The following ZFHX3 variants were observed in gnomAD, a reference collection of about 807,000 sequenced individuals.
ZFHX3 encodes the protein zinc finger homeobox protein 3.
A neutral mutation model predicts 279.1 loss-of-function variants in ZFHX3; 42 were observed. The ratio of observed to expected loss-of-function variants is 0.15; its 90% CI spans 0.12 to 0.19. ZFHX3 has a LOEUF of 0.19. ZFHX3 is among the 10% of genes least tolerant of loss of function. ZFHX3 has a pLI of 1.00. For synonymous variants in ZFHX3, 2,293 were observed against 1,957.8 expected (o/e 1.17, Z -4.52); for missense variants, 4,981 against 4,754.0 (o/e 1.05, Z -1.40).
chr16:73,080,837 T>A (rs1482909123), intron 8 of ZFHX3, among the ~76,000 whole-genome samples: 2 of 152,174 alleles, frequency 1.3e-5, no homozygotes, highest in African/African-American at 4.8e-5. Flanking sequence ...CGCCTTGGCC[T>A]CCCAAAGTGC....
chr16:72,947,923 G>T (rs1181110637), intron 3 of ZFHX3, among the ~76,000 whole-genome samples: 1 of 152,174 alleles, frequency 6.6e-6, no homozygotes, highest in Non-Finnish European at 1.5e-5. Context: ...TTTACTACAG[G>T]CCACACCAGG....
At chr16:73,004,158 A>AGTTTTTTTTTTTTT in intron 1 of ZFHX3, among the ~76,000 whole-genome samples, 1 of 51,316 alleles carries the variant, frequency 1.9e-5, no homozygotes, top group South Asian at 6.4e-4. Context: ...TAAAAACACG[A>AGTTTTTTTTTTTTT]CTTTTTTTTT....
At chr16:73,483,618 G>C (rs540830974) in intron 2 of ZFHX3, among the ~76,000 whole-genome samples, 96 of 152,188 alleles carry the variant, frequency 6.3e-4, no homozygotes, top group African/African-American at 2.0e-3. Flanking sequence ...AGGGAGAGTG[G>C]GGGGCGGGGG....
At chr16:73,363,556 T>G (rs935485479) in intron 3 of ZFHX3, among the ~76,000 whole-genome samples, 3 of 152,062 alleles carry the variant, frequency 2.0e-5, no homozygotes, top group Admixed American at 2.0e-4. Context: ...TTTAATTTTT[T>G]TTTTCCCAAA....
chr16:73,496,523 T>C (rs1461137217), intron 2 of ZFHX3, among the ~76,000 whole-genome samples: 1 of 152,178 alleles, frequency 6.6e-6, no homozygotes, highest in East Asian at 1.9e-4. Context: ...ACAGCGAGAC[T>C]CCATCTTAAA....
intron 1 of ZFHX3, chr16:73,814,003 T>G (rs966136883): frequency 6.6e-5 from 10 of 152,362 alleles, no homozygotes; most frequent in African/African-American, 2.4e-4. Flanking sequence ...CACTCTTAAG[T>G]TGTAAGTGAG....
chr16:73,166,267 A>G (rs1031616610), intron 5 of ZFHX3, among the ~76,000 whole-genome samples: 6 of 152,300 alleles, frequency 3.9e-5, no homozygotes, highest in African/African-American at 1.2e-4. Flanking sequence ...ATGGAGATTT[A>G]TGGGGCTTCA....
chr16:72,995,650 G>C (rs994253562), intron 1 of ZFHX3, among the ~76,000 whole-genome samples: 1 of 152,138 alleles, frequency 6.6e-6, no homozygotes, highest in African/African-American at 2.4e-5. Context: ...CATGGATGTG[G>C]CATGGTGTGC....
At chr16:73,197,288 T>G (rs1968171469) in intron 5 of ZFHX3, among the ~76,000 whole-genome samples, 1 of 152,170 alleles carries the variant, frequency 6.6e-6, no homozygotes, top group Admixed American at 6.5e-5. Context: ...CATCAATGGA[T>G]GAATTGTTGG....
intron 2 of ZFHX3, among the ~76,000 whole-genome samples, chr16:73,576,970 A>G (rs1201040740): frequency 6.6e-6 from 1 of 152,198 alleles, no homozygotes; most frequent in Non-Finnish European, 1.5e-5. Context: ...TCTTTTAGTT[A>G]GATCTAGATT....
intron 2 of ZFHX3, among the ~76,000 whole-genome samples, chr16:73,528,195 T>C (rs1269450488): frequency 6.6e-6 from 1 of 152,222 alleles, no homozygotes; most frequent in Non-Finnish European, 1.5e-5. Flanking sequence ...GCATTATCAC[T>C]GTATTATGGG....
intron 2 of ZFHX3, among the ~76,000 whole-genome samples, chr16:73,459,920 C>T (rs1464345256): frequency 1.3e-5 from 2 of 152,218 alleles, no homozygotes; most frequent in East Asian, 3.8e-4. Context: ...TCTCCCTTGA[C>T]ACATGGTGAT....
At chr16:73,617,354 G>A (rs2052315244) in intron 2 of ZFHX3, among the ~76,000 whole-genome samples, 2 of 152,230 alleles carry the variant, frequency 1.3e-5, no homozygotes, top group South Asian at 4.1e-4. Flanking sequence ...AATTCAGGAT[G>A]TGAATTCTTC....
chr16:72,818,593 G>C (rs2143648079), intron 5 of ZFHX3, among the ~76,000 whole-genome samples: 1 of 152,326 alleles, frequency 6.6e-6, no homozygotes, highest in South Asian at 2.1e-4. Context: ...AGGAATAGGG[G>C]AAGAGGGGAA....
At chr16:73,212,504 T>G (rs1256460507) in intron 5 of ZFHX3, among the ~76,000 whole-genome samples, 1 of 152,228 alleles carries the variant, frequency 6.6e-6, no homozygotes, top group East Asian at 1.9e-4. Flanking sequence ...TCATAAACAA[T>G]CCTGCTGTGA....
chr16:73,325,784 G>A (rs1223704400), intron 3 of ZFHX3, among the ~76,000 whole-genome samples: 3 of 152,102 alleles, frequency 2.0e-5, no homozygotes, highest in Admixed American at 6.6e-5. Flanking sequence ...AATATCAAAT[G>A]AGAAGTAATT....
intron 3 of ZFHX3, among the ~76,000 whole-genome samples, chr16:73,436,979 A>C (rs1008861371): frequency 4.7e-4 from 71 of 152,106 alleles, no homozygotes; most frequent in African/African-American, 1.6e-3. Flanking sequence ...TGCTTCTCTT[A>C]GATTGAAGCT....
chr16:73,736,225 C>T (rs2053609185), intron 1 of ZFHX3, among the ~76,000 whole-genome samples: 1 of 152,158 alleles, frequency 6.6e-6, no homozygotes, highest in Non-Finnish European at 1.5e-5. Context: ...CACCCTTGTA[C>T]ATTTTCAGCA....
intron 3 of ZFHX3, among the ~76,000 whole-genome samples, chr16:72,922,974 G>A (rs543728018): frequency 3.9e-5 from 6 of 152,052 alleles, no homozygotes; most frequent in South Asian, 2.1e-4. Flanking sequence ...AGGACTCGAC[G>A]AAATGATTAG....
Sources: gnomAD v4.1 joint callset for allele counts (sites outside exome capture counted in the v4.1 genomes callset) on GRCh38, gnomAD v4.1.1 for gene constraint, MANE v1.5 for transcripts, NCBI Gene and HGNC (gene_info 2026-07-23, HGNC 2026-07-21) for gene names.